The following ADCY2 variants were observed in gnomAD, a reference collection of about 807,000 sequenced individuals.
ADCY2 encodes adenylate cyclase type 2.
A neutral mutation model predicts 125.2 loss-of-function variants in ADCY2; 31 were observed. That is an observed-to-expected ratio of 0.25 (90% CI 0.19 to 0.33). ADCY2 has a LOEUF of 0.33. Ranked by LOEUF, ADCY2 falls within the 10% of genes least tolerant of loss-of-function variation. The pLI is 1.00. For synonymous variants in ADCY2, 512 were observed against 548.4 expected (o/e 0.93, Z 0.93); for missense variants, 904 against 1,418.2 (o/e 0.64, Z 5.82).
chr5:7,687,144 G>A (rs1474972996), intron 4 of ADCY2, among the ~76,000 whole-genome samples: 2 of 152,134 alleles, frequency 1.3e-5, no homozygotes, highest in African/African-American at 2.4e-5. Flanking sequence ...TTCTTGTTTT[G>A]TACAACATAT....
chr5:7,761,667 T>A (rs1743219741), intron 16 of ADCY2, among the ~76,000 whole-genome samples: 1 of 152,212 alleles, frequency 6.6e-6, no homozygotes, highest in Non-Finnish European at 1.5e-5. Flanking sequence ...TAACATCTAG[T>A]TTGACCTTAT....
chr5:7,757,568 G>A lies in ADCY2; in HGVS notation c.2076G>A (p.Met692Ile), dbSNP rs555132618. ...TCATCACCACAGCCATCATATTAAT[G>A]ATGGCCGTGTTCAACATGGTAAGTC... is the stretch of plus-strand genomic sequence containing the variant. ...LTIITTAIIL[M>I]MAVFNMFFLS... The change falls in exon 16 of 25, where the codon ATG (methionine) becomes ATA (isoleucine). Residue 692 changes from methionine to isoleucine, a missense_variant. Transcript: ENST00000338316. The A allele has an allele frequency of 2.1e-6, 3 of 1,455,004 alleles. No homozygotes were observed. The highest frequency in any genetic ancestry group is 9.1e-7 in the Non-Finnish European group (1 of 1,101,950). The allele number at this position is 1,455,004 out of a possible 1,614,324, so 90.1% of individuals were successfully genotyped here. A position where few individuals can be genotyped will look rare whatever the true frequency, so the allele number is the denominator to read the frequency against.
At chr5:7,426,917 C>T (rs1740408401) in intron 2 of ADCY2, among the ~76,000 whole-genome samples, 1 of 152,128 alleles carries the variant, frequency 6.6e-6, no homozygotes, top group Admixed American at 6.5e-5. Flanking sequence ...GAGTGGTGAA[C>T]AGAGCTAGGA....
chr5:7,800,559 G>A (rs942906567), intron 20 of ADCY2: 8 of 152,264 alleles, frequency 5.3e-5, no homozygotes. Context: ...CTACTCAGTA[G>A]GCTGAGGGAG....
intron 3 of ADCY2, among the ~76,000 whole-genome samples, chr5:7,589,739 C>T (rs1037612123): frequency 1.3e-5 from 2 of 152,196 alleles, no homozygotes. Context: ...CCCTCTTGCT[C>T]CTCCAGGGCA....
chr5:7,762,540 A>G (rs113567009), intron 16 of ADCY2, among the ~76,000 whole-genome samples: 1,814 of 152,254 alleles, frequency 0.012, 44 homozygotes, highest in African/African-American at 0.041. Flanking sequence ...CAAGGGAAGC[A>G]TACTCCTGTC....
chr5:7,683,431 G>C (rs747242), intron 4 of ADCY2, among the ~76,000 whole-genome samples: 69,458 of 152,116 alleles, frequency 0.46, 17,113 homozygotes, highest in Admixed American at 0.55. Flanking sequence ...AATCAAAGTG[G>C]CTGAACAATA....
intron 22 of ADCY2, among the ~76,000 whole-genome samples, chr5:7,816,466 A>G (rs528803535): frequency 6.6e-6 from 1 of 152,370 alleles, no homozygotes; most frequent in South Asian, 2.1e-4. Flanking sequence ...CCTAGCGGTC[A>G]GGCCACCAGA....
At chr5:7,442,003 A>G (rs1741034362) in intron 2 of ADCY2, among the ~76,000 whole-genome samples, 1 of 152,214 alleles carries the variant, frequency 6.6e-6, no homozygotes, top group African/African-American at 2.4e-5. Flanking sequence ...TTTTTCTGGT[A>G]TAGGTCCTAT....
intron 3 of ADCY2, among the ~76,000 whole-genome samples, chr5:7,601,454 T>C (rs937471517): frequency 2.0e-5 from 3 of 152,192 alleles, no homozygotes; most frequent in African/African-American, 7.2e-5. Context: ...GGTAGGACGG[T>C]AACTTTTGTA....
rs149118035 is a variant in ADCY2, at chr5:7,824,037, G to T, written c.3124-2682G>T. Among the ~76,000 whole-genome samples the T allele has an allele frequency of 6.9e-3, 1,048 of 152,266 alleles. 6 individuals are homozygous for T. The highest frequency in any genetic ancestry group is 0.017 in the Middle Eastern group (5 of 294). ...ACGGAAGCTGAAGGGCTGCATTTGG[G>T]TAAGTTTTTAATCCCGAAGGTGTGG... is the stretch of plus-strand genomic sequence containing the variant. On this transcript the variant is annotated intron_variant, in intron 24 of 24. Transcript: ENST00000338316.
chr5:7,557,760 A>G lies in ADCY2; in HGVS notation c.570+36861A>G, dbSNP rs148995001. Among the ~76,000 whole-genome samples the G allele has an allele frequency of 3.3e-3, 503 of 152,312 alleles. 8 individuals are homozygous for G. Among genetic ancestry groups the G allele is most frequent in the African/African-American group, 0.012 (481 of 41,558 alleles). ...GTACCACATTTTCTTTATCCAGTCT[A>G]CCACTGGTGGGCGTTTAGGTTGATT... On this transcript the variant is annotated intron_variant, in intron 3 of 24. Transcript: ENST00000338316.
intron 3 of ADCY2, among the ~76,000 whole-genome samples, chr5:7,574,429 G>A (rs1300656149): frequency 6.6e-6 from 1 of 152,026 alleles, no homozygotes; most frequent in Non-Finnish European, 1.5e-5. Context: ...AATGGCTAAA[G>A]AAATGTTTCC....
chr5:7,530,547 C>T (rs962353074), intron 3 of ADCY2, among the ~76,000 whole-genome samples: 4 of 152,224 alleles, frequency 2.6e-5, no homozygotes, highest in African/African-American at 9.6e-5. Context: ...GACCCACTGC[C>T]GCGAAGCTGT....
At chr5:7,584,943 C>G (rs1346975115) in intron 3 of ADCY2, among the ~76,000 whole-genome samples, 1 of 151,880 alleles carries the variant, frequency 6.6e-6, no homozygotes, top group African/African-American at 2.4e-5. Context: ...GCATCACAAA[C>G]TAAAAATAAT....
intron 3 of ADCY2, among the ~76,000 whole-genome samples, chr5:7,614,026 A>G (rs1163328535): frequency 6.6e-6 from 1 of 152,238 alleles, no homozygotes; most frequent in Admixed American, 6.5e-5. Flanking sequence ...GCTTTGAAGA[A>G]TTAATATAAC....
At chr5:7,566,317 C>G (rs1214888828) in intron 3 of ADCY2, among the ~76,000 whole-genome samples, 1 of 152,030 alleles carries the variant, frequency 6.6e-6, no homozygotes, top group African/African-American at 2.4e-5. Context: ...GAGATCTTGT[C>G]TCTACAAAAA....
chr5:7,623,917 A>G (rs1738037938), intron 3 of ADCY2, among the ~76,000 whole-genome samples: 2 of 152,174 alleles, frequency 1.3e-5, no homozygotes, highest in South Asian at 4.1e-4. Context: ...CCCAGCAAAG[A>G]TTTTAATTAT....
At chr5:7,516,638 AG>A (rs142485361) in intron 2 of ADCY2, among the ~76,000 whole-genome samples, 2,510 of 152,308 alleles carry the variant, frequency 0.016, 71 homozygotes, top group African/African-American at 0.056. Context: ...AAATGACAAT[AG>A]TGAAATGCAA....
Sources: allele counts gnomAD v4.1 joint callset (sites outside exome capture counted in the v4.1 genomes callset), GRCh38; gene constraint gnomAD v4.1.1; transcripts MANE v1.5; gene names NCBI Gene and HGNC (gene_info 2026-07-23, HGNC 2026-07-21).